FBXL20: variants seen among roughly 807,000 people sequenced by gnomAD.
FBXL20 encodes F-box/LRR-repeat protein 20.
A neutral mutation model predicts 64.0 loss-of-function variants in FBXL20; 11 were observed. The ratio of observed to expected loss-of-function variants is 0.17; its 90% confidence interval spans 0.11 to 0.28. The LOEUF is 0.28. FBXL20 is among the 10% of genes least tolerant of loss of function. The probability of loss-of-function intolerance (pLI) is 1.00; values close to 1 mark genes in which losing one functional copy is unlikely to be tolerated. For missense variants in FBXL20, 303 were observed against 526.2 expected, an observed-to-expected ratio of 0.58 and a Z score of 4.15; for synonymous variants, 184 against 189.0, an observed-to-expected ratio of 0.97 and a Z score of 0.22.
Position 39,265,162 on chromosome 17 carries a change from T to A in FBXL20, c.990+235A>T, listed in dbSNP as rs561542274. Among the ~76,000 whole-genome samples the A allele has an allele frequency of 5.3e-5, 8 of 152,374 alleles. No homozygotes were observed. The South Asian group carries it at 1.7e-3, about 32-fold the overall frequency. ...AGTTATCTACAAAAGAGAACTCATA[T>A]GTTCCAAGGCAGTTTTCAGTCTTCA... On this transcript the variant is annotated intron_variant, in intron 13 of 14. Transcript: ENST00000264658.
At chr17:39,293,367 A>T (rs541418476) in intron 6 of FBXL20, among the ~76,000 whole-genome samples, 4 of 151,086 alleles carry the variant, frequency 2.6e-5, no homozygotes, top group African/African-American at 9.7e-5. Flanking sequence ...GATTACAGAC[A>T]CATGCTACCA....
At chr17:39,379,354 T>C (rs1208332063) in intron 1 of FBXL20, among the ~76,000 whole-genome samples, 4 of 151,816 alleles carry the variant, frequency 2.6e-5, no homozygotes, top group African/African-American at 9.7e-5. Flanking sequence ...GGGAAACACT[T>C]TGGTGATTCC....
chr17:39,286,932 G>C (rs1229414040), intron 6 of FBXL20, among the ~76,000 whole-genome samples: 2 of 107,624 alleles, frequency 1.9e-5, no homozygotes, highest in African/African-American at 7.6e-5. Flanking sequence ...TTTTTTTTGA[G>C]ACAGAGTCTT....
intron 10 of FBXL20, among the ~76,000 whole-genome samples, chr17:39,273,063 G>C (rs1453571711): frequency 6.6e-6 from 1 of 152,102 alleles, no homozygotes; most frequent in Non-Finnish European, 1.5e-5. Context: ...TTTTTTGAGA[G>C]GGAGTCTCAC....
At chr17:39,393,191 A>G (rs1164637439) in intron 1 of FBXL20, among the ~76,000 whole-genome samples, 3 of 151,994 alleles carry the variant, frequency 2.0e-5, no homozygotes, top group African/African-American at 4.8e-5. Context: ...CAGGAGGCTG[A>G]GCCAGGAGAA....
chr17:39,339,822 T>G (rs1407366901), intron 2 of FBXL20, among the ~76,000 whole-genome samples: 1 of 151,520 alleles, frequency 6.6e-6, no homozygotes, highest in African/African-American at 2.4e-5. Flanking sequence ...TTTTTTTTTG[T>G]ATTTTAGTAG....
At chr17:39,297,043 A>T in intron 6 of FBXL20, 84 bp downstream of exon 6, 2 of 851,668 alleles carry the variant, frequency 2.3e-6, no homozygotes, top group East Asian at 2.7e-5. Flanking sequence ...AATTTGCTCA[A>T]TAGAGTTAAT....
intron 13 of FBXL20, among the ~76,000 whole-genome samples, chr17:39,265,196 T>A (rs1239967141): frequency 6.6e-6 from 1 of 152,214 alleles, no homozygotes. Context: ...CAAGCATTGA[T>A]ATAGAAAACA....
Position 39,401,603 on chromosome 17 carries a change from C to A in FBXL20, c.-201G>T. 7.1e-7 allele frequency: 1 copy of A among 1,405,600 alleles called. No homozygotes were observed. 87.1% of individuals were successfully genotyped at this position (1,405,600 alleles called of 1,614,324 possible). ...GCGGCGCCGGCGGCCGCAACGACTG[C>A]TCGTCGCTAGCTCGGCTCTCTCCTC... is the stretch of plus-strand genomic sequence containing the variant. On this transcript the variant is annotated 5_prime_UTR_variant, in exon 1 of 15. Transcript: ENST00000264658.
chr17:39,288,269 G>A lies in FBXL20; in HGVS notation c.399-2696C>T, dbSNP rs28756453. The stretch of plus-strand genomic sequence containing the variant: ...CACATGGTGAGCCACCGCACCTGGT[G>A]TAAATACCTTTTCTTATGCTTATTT... On this transcript the variant is annotated intron_variant, in intron 6 of 14. Coordinates refer to ENST00000264658, the MANE Select transcript of FBXL20 (RefSeq NM_032875.3). Among the ~76,000 whole-genome samples the A allele has an allele frequency of 2.1e-3, 321 of 152,034 alleles. 2 individuals carry two copies. Among genetic ancestry groups the A allele is most frequent in the African/African-American group, 7.4e-3 (309 of 41,480 alleles).
chr17:39,301,741 A>T (rs184175512), intron 3 of FBXL20, among the ~76,000 whole-genome samples: 2 of 146,438 alleles, frequency 1.4e-5, no homozygotes, highest in Non-Finnish European at 3.0e-5. Context: ...GGGAAAAATT[A>T]AAAAAATTAG....
At chr17:39,358,232 C>G (rs1186080970) in intron 1 of FBXL20, among the ~76,000 whole-genome samples, 1 of 152,124 alleles carries the variant, frequency 6.6e-6, no homozygotes, top group Non-Finnish European at 1.5e-5. Context: ...TATTCAGGCC[C>G]TCAGCTGATT....
chr17:39,276,064 T>A (rs1002581865), intron 9 of FBXL20, among the ~76,000 whole-genome samples: 4 of 150,834 alleles, frequency 2.7e-5, no homozygotes, highest in South Asian at 2.1e-4. Context: ...CTGGCCAACA[T>A]GGTGAAAACC....
chr17:39,378,938 C>T (rs897506135), intron 1 of FBXL20, among the ~76,000 whole-genome samples: 4 of 147,594 alleles, frequency 2.7e-5, no homozygotes, highest in Admixed American at 6.7e-5. Context: ...TTTAAAAAAA[C>T]GAAAATAGGC....
chr17:39,315,829 C>CAG (rs141728220), intron 2 of FBXL20, among the ~76,000 whole-genome samples: 9,458 of 129,272 alleles, frequency 0.073, 447 homozygotes, highest in East Asian at 0.12. Context: ...GAGAGAGAGA[C>CAG]AGAGAGAGAG....
At chr17:39,383,756 A>AT (rs1189755065) in intron 1 of FBXL20, among the ~76,000 whole-genome samples, 2 of 151,354 alleles carry the variant, frequency 1.3e-5, no homozygotes, top group African/African-American at 2.4e-5. Flanking sequence ...TGCCTGGCTA[A>AT]TTTTTTGTAT....
At chr17:39,280,692 G>T (rs1597772385) in intron 9 of FBXL20, among the ~76,000 whole-genome samples, 1 of 152,156 alleles carries the variant, frequency 6.6e-6, no homozygotes, top group East Asian at 1.9e-4. Flanking sequence ...CAAAAAAGCT[G>T]ATAGTTTGAA....
At chr17:39,354,437 TCTC>T (rs1462541823) in intron 1 of FBXL20, among the ~76,000 whole-genome samples, 1 of 152,106 alleles carries the variant, frequency 6.6e-6, no homozygotes, top group Non-Finnish European at 1.5e-5. Context: ...GACTGTTCCT[TCTC>T]CTATGAAACC....
chr17:39,291,431 C>CTTTT (rs907454529), intron 6 of FBXL20, among the ~76,000 whole-genome samples: 19 of 110,500 alleles, frequency 1.7e-4, no homozygotes, highest in Middle Eastern at 5.5e-3. Flanking sequence ...TAAAACTTTT[C>CTTTT]TTTTTTTTTT....
Sources: allele counts gnomAD v4.1 joint callset (sites outside exome capture counted in the v4.1 genomes callset), GRCh38; gene constraint gnomAD v4.1.1; transcripts MANE v1.5; gene names NCBI Gene and HGNC (gene_info 2026-07-23, HGNC 2026-07-21).